Variants in PPP4R2 observed in about 807,000 individuals in gnomAD.
PPP4R2 encodes the protein serine/threonine-protein phosphatase 4 regulatory subunit 2.
In PPP4R2, 13 loss-of-function variants were observed where a neutral mutation model predicts 47.2. The ratio of observed to expected loss-of-function variants is 0.28; its 90% CI spans 0.18 to 0.44. The LOEUF is 0.44. Among genes scored for constraint, PPP4R2 ranks in the 20% least tolerant of loss-of-function variants. The pLI, the probability that PPP4R2 is intolerant of heterozygous loss-of-function variation, is 1.00. For synonymous variants in PPP4R2, 151 were observed against 163.3 expected, an observed-to-expected ratio of 0.92 and a Z score of 0.57; for missense variants, 421 against 491.2, an observed-to-expected ratio of 0.86 and a Z score of 1.35.
Position 73,044,534 on chromosome 3 carries a change from C to A in PPP4R2, c.117-2652C>A, listed in dbSNP as rs538608043. Reference sequence around the variant, plus strand: ...CCAGGAGGCAGAGGTTGCAGTGAGCCGAGGTTGCACCACCACTCTCCAGCC... The same window carrying A: ...CCAGGAGGCAGAGGTTGCAGTGAGCAGAGGTTGCACCACCACTCTCCAGCC... On this transcript the variant is annotated intron_variant, in intron 2 of 8. Transcript: ENST00000356692. Among the ~76,000 whole-genome samples, 4 of 152,172 alleles carry A rather than the reference C, an allele frequency of 2.6e-5. No individual in the cohort carries two copies. In the East Asian group the frequency reaches 7.7e-4, roughly 29 times the overall value.
At chr3:73,060,597 TCTC>T (rs1162587661) in intron 4 of PPP4R2, among the ~76,000 whole-genome samples, 7 of 46,704 alleles carry the variant, frequency 1.5e-4, no homozygotes, top group African/African-American at 5.6e-4. Flanking sequence ...AAGGTTTGAG[TCTC>T]TTTCTGTGGG....
chr3:73,031,692 A>G (rs1400408961), intron 2 of PPP4R2, among the ~76,000 whole-genome samples: 1 of 152,242 alleles, frequency 6.6e-6, no homozygotes, highest in Non-Finnish European at 1.5e-5. Context: ...TTTCTAGGCC[A>G]GAGAGAATGC....
At chr3:73,027,118 T>A (rs901528363) in intron 2 of PPP4R2, among the ~76,000 whole-genome samples, 5 of 152,156 alleles carry the variant, frequency 3.3e-5, no homozygotes, top group Admixed American at 3.3e-4. Context: ...AGTTCAAATA[T>A]GAATCTATTC....
intron 3 of PPP4R2, among the ~76,000 whole-genome samples, chr3:73,052,763 G>A (rs1052861384): frequency 2.6e-5 from 4 of 152,064 alleles, no homozygotes; most frequent in South Asian, 2.1e-4. Context: ...GTAGGCAGTC[G>A]GCCTCCTCAC....
chr3:73,062,897 T>G (rs771981794), intron 5 of PPP4R2: 3 of 1,610,944 alleles, frequency 1.9e-6, no homozygotes, highest in South Asian at 2.2e-5. Flanking sequence ...GCAAGTCAAG[T>G]TAGTTGCCAA....
At chr3:73,051,076 G>A (rs961425007) in intron 3 of PPP4R2, among the ~76,000 whole-genome samples, 7 of 152,022 alleles carry the variant, frequency 4.6e-5, no homozygotes, top group South Asian at 2.1e-4. Flanking sequence ...CACCACACCC[G>A]GCTAATTTTT....
At chr3:73,059,217 G>T (rs1412002449) in intron 4 of PPP4R2, 87 bp downstream of exon 4, 2 of 636,748 alleles carry the variant, frequency 3.1e-6, no homozygotes, top group South Asian at 2.4e-5. Context: ...TCTGTTTCGG[G>T]TACCACTTCT....
At position 73,052,246 on chromosome 3, in the gene PPP4R2, C is replaced by CT. The variant is rs60786869; in HGVS notation, c.287+4901dup. ...ATGGAATGCTTAATTTCTTTCTTTT[C>CT]TTTTTTTTTTTGGTCATTTTCTTGT... On this transcript the variant is annotated intron_variant, in intron 3 of 8. Transcript: ENST00000356692. 5.4e-3 allele frequency among the ~76,000 whole-genome samples: 751 copies of CT among 139,754 alleles called. 9 individuals carry two copies. Among genetic ancestry groups the CT allele is most frequent in the African/African-American group, 0.014 (535 of 37,580 alleles). The allele number at this position is 139,754 out of a possible 152,430, so 91.7% of individuals were successfully genotyped here.
chr3:73,039,971 T>C (rs1283243175), intron 2 of PPP4R2, among the ~76,000 whole-genome samples: 1 of 152,136 alleles, frequency 6.6e-6, no homozygotes, highest in Non-Finnish European at 1.5e-5. Flanking sequence ...GGAGAATTGC[T>C]TGAACCAGGG....
intron 5 of PPP4R2, chr3:73,063,256 G>C (rs747684881): frequency 3.7e-5 from 11 of 298,478 alleles, no homozygotes; most frequent in Non-Finnish European, 7.2e-5. Context: ...AGATCTTGAG[G>C]GGGGAGTGTT....
rs778518983 is a variant in PPP4R2 at position 73,062,552 on chromosome 3, C to T, written c.420-1121C>T. 3.7e-6 allele frequency: 6 copies of T among 1,613,884 alleles called. No homozygotes were observed. The Admixed American group carries it at 5.0e-5, about 13-fold the overall frequency. On this transcript the variant is annotated intron_variant, in intron 5 of 8. Coordinates refer to ENST00000356692, the MANE Select transcript of PPP4R2 (RefSeq NM_174907.4). ...CTAATACTGTGGTTGGGAATGAGAA[C>T]GAGGAAAGGGGTACTCCTTATGCTA...
chr3:73,029,347 A>G (rs1178080743), intron 2 of PPP4R2, among the ~76,000 whole-genome samples: 2 of 152,248 alleles, frequency 1.3e-5, no homozygotes, highest in African/African-American at 4.8e-5. Flanking sequence ...AAAGTAAGCT[A>G]GAGGCAGGGG....
intron 3 of PPP4R2, among the ~76,000 whole-genome samples, chr3:73,055,323 TGTACTTGTAGA>T (rs1702708412): frequency 6.6e-6 from 1 of 152,116 alleles, no homozygotes; most frequent in Admixed American, 6.6e-5. Context: ...ATCTTTGAAG[TGTACTTGTAGA>T]ACCCTTGTTT....
At position 73,037,561 on chromosome 3, in the gene PPP4R2, A is replaced by G. The variant is rs560654394; in HGVS notation, c.117-9625A>G. ...CTGCTAGATAGAGGTCAGGGATGCAAATATCCTACAGTGCACACAGACAGC... is the reference window on the plus strand; with the variant it reads ...CTGCTAGATAGAGGTCAGGGATGCAGATATCCTACAGTGCACACAGACAGC... On this transcript the variant is annotated intron_variant, in intron 2 of 8. Coordinates refer to ENST00000356692, the MANE Select transcript of PPP4R2 (RefSeq NM_174907.4). Among the ~76,000 whole-genome samples the G allele has an allele frequency of 7.2e-5, 11 of 152,152 alleles. No homozygotes were observed. The South Asian group carries it at 1.7e-3, about 23-fold the overall frequency.
intron 2 of PPP4R2, among the ~76,000 whole-genome samples, chr3:73,040,060 A>C (rs775413098): frequency 6.6e-6 from 1 of 152,170 alleles, no homozygotes; most frequent in Non-Finnish European, 1.5e-5. Context: ...CTCCAAAAGA[A>C]AAAAGAAAAT....
rs778949196 is a variant in PPP4R2, at chr3:73,066,803, G to C, written c.*1081G>C. ...GAGCTAAATGACTGAAGCTTTAGGG[G>C]TGCATAGAAACCACCATAATTTGTA... On this transcript the variant is annotated 3_prime_UTR_variant, in exon 9 of 9. Coordinates refer to ENST00000356692, the MANE Select transcript of PPP4R2 (RefSeq NM_174907.4). 6.6e-6 allele frequency: 1 copy of C among 152,022 alleles called. No individual in the cohort carries two copies. Among genetic ancestry groups the C allele is most frequent in the Non-Finnish European group, 1.5e-5 (1 of 67,952 alleles). 9.4% of individuals were successfully genotyped at this position (152,022 alleles called of 1,614,324 possible).
intron 2 of PPP4R2, among the ~76,000 whole-genome samples, chr3:73,046,135 C>T (rs976910128): frequency 2.0e-5 from 3 of 152,156 alleles, no homozygotes; most frequent in African/African-American, 7.2e-5. Flanking sequence ...TTTGGTGCTG[C>T]TGTCCTGACT....
At chr3:73,038,650 C>T (rs1702315225) in intron 2 of PPP4R2, among the ~76,000 whole-genome samples, 1 of 152,074 alleles carries the variant, frequency 6.6e-6, no homozygotes, top group South Asian at 2.1e-4. Context: ...CAGCCAGGGA[C>T]ATTTTCTATA....
At chr3:73,014,875 TATTC>T in intron 2 of PPP4R2, 1 of 511,448 alleles carries the variant, frequency 2.0e-6, no homozygotes. Flanking sequence ...TGTATTTATT[TATTC>T]ATTTTAATGA....
Sources: allele counts gnomAD v4.1 joint callset (sites outside exome capture counted in the v4.1 genomes callset), GRCh38; gene constraint gnomAD v4.1.1; transcripts MANE v1.5; gene names NCBI Gene and HGNC (gene_info 2026-07-23, HGNC 2026-07-21).